Variants in KIAA2012 observed in about 807,000 individuals in gnomAD.
KIAA2012 encodes KIAA2012.
A neutral mutation model predicts 150.6 loss-of-function variants in KIAA2012; 125 were observed. That is an observed-to-expected ratio of 0.83 (90% CI 0.72 to 0.96). The LOEUF is 0.96. Ranked by LOEUF, KIAA2012 falls within the 40% of genes least tolerant of loss-of-function variation. KIAA2012 has a pLI of 0.00. For synonymous variants in KIAA2012, 462 were observed against 504.7 expected (o/e 0.92, Z 1.13); for missense variants, 1,219 against 1,354.9 (o/e 0.90, Z 1.57).
At chr2:202,089,515 C>T (rs1575004297) in intron 2 of KIAA2012, among the ~76,000 whole-genome samples, 2 of 152,350 alleles carry the variant, frequency 1.3e-5, no homozygotes, top group East Asian at 3.9e-4. Context: ...TCAAGCCCAG[C>T]TCCACTTCTA....
intron 11 of KIAA2012, among the ~76,000 whole-genome samples, chr2:202,119,881 G>A (rs1353006246): frequency 1.3e-5 from 2 of 152,330 alleles, no homozygotes; most frequent in African/African-American, 4.8e-5. Flanking sequence ...ATTCCCACAT[G>A]TCATGGGAGG....
intron 2 of KIAA2012, 76 bp from the exon 3 acceptor site, chr2:202,090,694 T>C: frequency 7.1e-7 from 1 of 1,411,118 alleles, no homozygotes; most frequent in Admixed American, 2.7e-5. Context: ...CTGATGAAGA[T>C]TGTGCTAACC....
chr2:202,117,696 T>G (rs1439018807), intron 11 of KIAA2012, among the ~76,000 whole-genome samples: 1 of 152,146 alleles, frequency 6.6e-6, no homozygotes, highest in African/African-American at 2.4e-5. Flanking sequence ...CCCGTCGAAC[T>G]CCAATTCCTC....
At chr2:202,105,043 C>T (rs1025994402) in intron 8 of KIAA2012, among the ~76,000 whole-genome samples, 4 of 152,092 alleles carry the variant, frequency 2.6e-5, no homozygotes, top group African/African-American at 9.7e-5. Context: ...GGAGTTCTTC[C>T]CCATTTACAT....
chr2:202,100,315 A>T lies in KIAA2012; in HGVS notation c.1021A>T (p.Arg341Trp). ...TCATCCTGTTTTTAAAGATAAACAA[A>T]GGAACGTGAAACTCCACAAGGCCAG... ...NRKADLSDKQ[R>W]NVKLHKARSS... The change falls in exon 7 of 24, where the codon AGG (arginine) becomes TGG (tryptophan). Residue 341 changes from arginine to tryptophan, a missense_variant. Transcript: ENST00000498697. 2 of 1,549,914 alleles carry T rather than the reference A, an allele frequency of 1.3e-6. No homozygotes were observed.
chr2:202,147,357 A>C lies in KIAA2012; in HGVS notation c.1909-7316A>C, dbSNP rs556292507. Among the ~76,000 whole-genome samples the C allele has an allele frequency of 2.8e-4, 42 of 152,294 alleles. No homozygotes were observed. The East Asian group carries it at 6.6e-3, about 24-fold the overall frequency. The stretch of plus-strand genomic sequence containing the variant: ...CCTAAGGGCGCACAGCTGAAGGTCT[A>C]GGGGCAGAGGGGAGGCAGGGAATTT... On this transcript the variant is annotated intron_variant, in intron 13 of 23. Transcript: ENST00000498697.
chr2:202,087,510 C>CAAAAAA lies in KIAA2012; in HGVS notation c.370-3240_370-3235dup, dbSNP rs59728832. Among the ~76,000 whole-genome samples the CAAAAAA allele has an allele frequency of 4.1e-3, 217 of 52,472 alleles. 4 individuals carry two copies. The highest frequency in any genetic ancestry group is 5.4e-3 in the East Asian group (9 of 1,680). The allele number at this position is 52,472 out of a possible 152,430, so 34.4% of individuals were successfully genotyped here. Reference sequence around the variant, plus strand: ...CCTGGTTGACAAAGCGAAACCATCTCAAAAAAAAAAAAAAAAAAAAAAAAA... The same window carrying CAAAAAA: ...CCTGGTTGACAAAGCGAAACCATCTCAAAAAAAAAAAAAAAAAAAAAAAAAAAAAAA... On this transcript the variant is annotated intron_variant, in intron 2 of 23. Coordinates refer to ENST00000498697, the MANE Select transcript of KIAA2012 (RefSeq NM_001277372.4).
intron 11 of KIAA2012, chr2:202,114,328 T>C (rs1021881382): frequency 1.2e-5 from 2 of 166,874 alleles, no homozygotes; most frequent in African/African-American, 2.4e-5. Context: ...ACCCAGTATA[T>C]GGATTTCCAG....
chr2:202,154,780 G>A lies in KIAA2012; in HGVS notation c.2016G>A (p.Lys672=), dbSNP rs1184890429. 3 of 1,549,238 alleles carry A rather than the reference G, an allele frequency of 1.9e-6. No individual in the cohort carries two copies. The highest frequency in any genetic ancestry group is 2.4e-5 in the South Asian group (2 of 83,620). The stretch of plus-strand genomic sequence containing the variant: ...ACAGAAAAGAATTTTACACGCGCAA[G>A]CTGCACATCGACATGACGCCGTTCC... ...CSNRKEFYTR[K]LHIDMTPFLK... is the part of the protein sequence containing the mutation. Residue 672 remains lysine (K), a synonymous_variant, in exon 14 of 24, where the codon AAG becomes AAA. Transcript: ENST00000498697.
At chr2:202,189,417 G>A (rs1354978631) in intron 18 of KIAA2012, among the ~76,000 whole-genome samples, 3 of 151,106 alleles carry the variant, frequency 2.0e-5, no homozygotes, top group African/African-American at 4.9e-5. Flanking sequence ...TCAGCCTCCC[G>A]AGTACCTGGG....
At chr2:202,115,203 G>C (rs926584510) in intron 11 of KIAA2012, 1 of 151,996 alleles carries the variant, frequency 6.6e-6, no homozygotes, top group African/African-American at 2.4e-5. Context: ...TTGCGGTTTT[G>C]CCATTACTTT....
chr2:202,194,193 G>A lies in KIAA2012; in HGVS notation c.3018G>A (p.Leu1006=), dbSNP rs1443705182. The A allele has an allele frequency of 1.3e-6, 2 of 1,550,434 alleles. No homozygotes were observed. Among genetic ancestry groups the A allele is most frequent in the Admixed American group, 3.9e-5 (2 of 50,958 alleles). Residue 1006 remains leucine, a synonymous_variant, in exon 21 of 24, where the codon TTG becomes TTA. Coordinates refer to ENST00000498697, the MANE Select transcript of KIAA2012 (RefSeq NM_001277372.4). ...TGACCATCTTGGGTTTTCTCAGCTT[G>A]AGGAAACAGAGACTCCAAGAAGAAC... The part of the protein sequence containing the change: ...EQQRRTEEIR[L]RKQRLQEEQQ...
At chr2:202,080,021 G>A (rs1689411294) in intron 2 of KIAA2012, among the ~76,000 whole-genome samples, 2 of 152,194 alleles carry the variant, frequency 1.3e-5, no homozygotes. Context: ...AAGGAAGCCT[G>A]GGGCTTGACA....
At chr2:202,156,207 T>C (rs1015277669) in intron 14 of KIAA2012, among the ~76,000 whole-genome samples, 5 of 150,246 alleles carry the variant, frequency 3.3e-5, no homozygotes, top group African/African-American at 1.2e-4. Context: ...CCCATCTCTA[T>C]AGAAAAAAAA....
chr2:202,148,555 G>A (rs1211351583), intron 13 of KIAA2012, among the ~76,000 whole-genome samples: 2 of 152,104 alleles, frequency 1.3e-5, no homozygotes, highest in Non-Finnish European at 2.9e-5. Flanking sequence ...CAGACCTCAC[G>A]TGGCCAAGAA....
At chr2:202,109,529 T>C in intron 9 of KIAA2012, 84 bp from the exon 10 acceptor site, 1 of 1,282,444 alleles carries the variant, frequency 7.8e-7, no homozygotes, top group South Asian at 1.7e-5. Flanking sequence ...CAGAGGTCCT[T>C]CAACCAAGTT....
chr2:202,085,730 C>A (rs992850192), intron 2 of KIAA2012, among the ~76,000 whole-genome samples: 20 of 152,160 alleles, frequency 1.3e-4, no homozygotes, highest in African/African-American at 4.8e-4. Flanking sequence ...AATGAATACA[C>A]CAAGATCAGC....
At chr2:202,101,140 G>A (rs190862303) in intron 7 of KIAA2012, among the ~76,000 whole-genome samples, 144 of 152,314 alleles carry the variant, frequency 9.5e-4, no homozygotes, top group African/African-American at 3.4e-3. Context: ...CAACCTTACA[G>A]GGCTGGTAGA....
chr2:202,089,024 C>T (rs2105913946), intron 2 of KIAA2012, among the ~76,000 whole-genome samples: 1 of 152,194 alleles, frequency 6.6e-6, no homozygotes, highest in East Asian at 1.9e-4. Flanking sequence ...AGGCTGTCTC[C>T]TTCCCACTCT....
Sources: allele counts gnomAD v4.1 joint callset (sites outside exome capture counted in the v4.1 genomes callset), GRCh38; gene constraint gnomAD v4.1.1; transcripts MANE v1.5; gene names NCBI Gene and HGNC (gene_info 2026-07-23, HGNC 2026-07-21).